ARHGAP24: variants seen among roughly 807,000 people sequenced by gnomAD.
ARHGAP24 encodes Rho GTPase activating protein 24.
Under a neutral mutation model 76.4 loss-of-function variants are expected in ARHGAP24, and 50 were observed. The observed-to-expected ratio is 0.65, with a 90% CI of 0.52 to 0.83. ARHGAP24 has a LOEUF of 0.83. Among genes scored for constraint, ARHGAP24 ranks in the 40% least tolerant of loss-of-function variants. The pLI is 0.00. For missense variants in ARHGAP24, 930 were observed against 914.2 expected (o/e 1.02, Z -0.22); for synonymous variants, 345 against 323.3 (o/e 1.07, Z -0.72).
chr4:85,815,738 C>G (rs1216414023), intron 3 of ARHGAP24, among the ~76,000 whole-genome samples: 2 of 152,236 alleles, frequency 1.3e-5, no homozygotes, highest in Non-Finnish European at 2.9e-5. Flanking sequence ...TACCCAGTTC[C>G]AAAGTCGCTT....
At chr4:85,871,396 ACC>A (rs1285996575) in intron 3 of ARHGAP24, among the ~76,000 whole-genome samples, 5 of 152,108 alleles carry the variant, frequency 3.3e-5, no homozygotes, top group African/African-American at 9.7e-5. Flanking sequence ...TGCCCAATAC[ACC>A]TTCTTTTCTA....
intron 2 of ARHGAP24, among the ~76,000 whole-genome samples, chr4:85,661,442 A>T (rs980412905): frequency 5.9e-5 from 9 of 152,148 alleles, no homozygotes; most frequent in Non-Finnish European, 2.9e-5. Context: ...TTGTTATTCT[A>T]GGCTTGCAAA....
chr4:86,000,876 A>G lies in ARHGAP24; in HGVS notation c.*154A>G. 1 of 1,116,414 alleles carries G rather than the reference A, an allele frequency of 9.0e-7. No individual in the cohort carries two copies. Among genetic ancestry groups the G allele is most frequent in the Non-Finnish European group, 1.3e-6 (1 of 779,724 alleles). 69.2% of individuals were successfully genotyped at this position (1,116,414 alleles called of 1,614,324 possible). A position where few individuals can be genotyped will look rare whatever the true frequency, so the allele number is the denominator to read the frequency against. On this transcript the variant is annotated 3_prime_UTR_variant, in exon 10 of 10. Transcript: ENST00000395184. ...ACAGACATTAAACATCCATATCTGCAATGTGTACCAAAGTTATATCATGCC... is the reference window on the plus strand; with the variant it reads ...ACAGACATTAAACATCCATATCTGCGATGTGTACCAAAGTTATATCATGCC...
intron 1 of ARHGAP24, among the ~76,000 whole-genome samples, chr4:85,551,815 G>A (rs752622749): frequency 1.6e-5 from 2 of 128,654 alleles, no homozygotes; most frequent in Non-Finnish European, 3.3e-5. Context: ...TGTGCACAGA[G>A]TTTTGTATAG....
intron 9 of ARHGAP24, among the ~76,000 whole-genome samples, chr4:85,997,165 TTC>T (rs1411758178): frequency 6.6e-6 from 1 of 152,148 alleles, no homozygotes; most frequent in Non-Finnish European, 1.5e-5. Context: ...AAGTTAACTG[TTC>T]TGGCTAAATT....
intron 6 of ARHGAP24, among the ~76,000 whole-genome samples, chr4:85,974,514 T>G (rs183836550): frequency 3.9e-5 from 6 of 152,312 alleles, no homozygotes; most frequent in Admixed American, 3.3e-4. Context: ...AGTAGATGTA[T>G]TTGTCTATGT....
At chr4:85,661,721 T>G (rs931603801) in intron 2 of ARHGAP24, among the ~76,000 whole-genome samples, 35 of 149,242 alleles carry the variant, frequency 2.3e-4, no homozygotes, top group African/African-American at 7.9e-4. Flanking sequence ...CCTGTGTCCA[T>G]GTGTTCTCAT....
At chr4:85,664,499 T>C (rs1310698527) in intron 2 of ARHGAP24, among the ~76,000 whole-genome samples, 2 of 150,816 alleles carry the variant, frequency 1.3e-5, no homozygotes, top group African/African-American at 5.0e-5. Context: ...GGTTTTTTTG[T>C]GTCTCTATTT....
chr4:85,989,737 A>C (rs1212590484), intron 8 of ARHGAP24, among the ~76,000 whole-genome samples: 1 of 151,766 alleles, frequency 6.6e-6, no homozygotes, highest in Non-Finnish European at 1.5e-5. Context: ...AAAATCAATC[A>C]ATGTAATTCA....
chr4:85,862,848 T>C (rs1731978936), intron 3 of ARHGAP24, among the ~76,000 whole-genome samples: 1 of 152,140 alleles, frequency 6.6e-6, no homozygotes, highest in Non-Finnish European at 1.5e-5. Context: ...CCAAATATAT[T>C]TCACATCTTC....
intron 3 of ARHGAP24, among the ~76,000 whole-genome samples, chr4:85,898,302 G>T (rs1410991112): frequency 6.6e-6 from 1 of 152,034 alleles, no homozygotes; most frequent in East Asian, 1.9e-4. Context: ...AGGAGTTTCA[G>T]CGACTTCCCT....
chr4:85,997,578 T>TA (rs1740754043), intron 9 of ARHGAP24, among the ~76,000 whole-genome samples: 1 of 152,190 alleles, frequency 6.6e-6, no homozygotes, highest in Non-Finnish European at 1.5e-5. Flanking sequence ...GTCAGTGAGA[T>TA]ATATGGTTTT....
intron 3 of ARHGAP24, among the ~76,000 whole-genome samples, chr4:85,848,352 G>T (rs1417611606): frequency 6.6e-6 from 1 of 152,112 alleles, no homozygotes; most frequent in African/African-American, 2.4e-5. Context: ...CCCCATGACA[G>T]GCCCTGGTGT....
chr4:85,971,998 T>C (rs779137099), intron 5 of ARHGAP24, 38 bp from the exon 6 acceptor site: 1 of 1,613,790 alleles, frequency 6.2e-7, no homozygotes, highest in South Asian at 1.1e-5. Flanking sequence ...GGTATGAAGT[T>C]TACTCCAAAG....
intron 1 of ARHGAP24, among the ~76,000 whole-genome samples, chr4:85,495,412 G>A (rs1183626124): frequency 9.4e-5 from 13 of 137,844 alleles, no homozygotes; most frequent in South Asian, 5.2e-4. Context: ...GTGTAGTGGC[G>A]CGATCTCGGC....
At chr4:85,853,177 C>G (rs1056326738) in intron 3 of ARHGAP24, among the ~76,000 whole-genome samples, 2 of 152,198 alleles carry the variant, frequency 1.3e-5, no homozygotes, top group Admixed American at 1.3e-4. Flanking sequence ...TAAGCCTCAG[C>G]AATGGTGGAC....
At chr4:85,499,389 C>G (rs958949801) in intron 1 of ARHGAP24, among the ~76,000 whole-genome samples, 1 of 152,186 alleles carries the variant, frequency 6.6e-6, no homozygotes, top group Non-Finnish European at 1.5e-5. Context: ...ATAGCATATA[C>G]TATCACTAGC....
At chr4:85,646,341 GC>G (rs371087436) in intron 2 of ARHGAP24, among the ~76,000 whole-genome samples, 282 of 151,898 alleles carry the variant, frequency 1.9e-3, no homozygotes, top group African/African-American at 6.7e-3. Flanking sequence ...GGAATTACAG[GC>G]TTTTAGACTA....
intron 2 of ARHGAP24, among the ~76,000 whole-genome samples, chr4:85,643,253 T>G (rs1721596801): frequency 4.4e-5 from 3 of 68,560 alleles, no homozygotes; most frequent in Admixed American, 2.0e-4. Context: ...TTTTTTTTTT[T>G]TTTTTTTTTT....
Sources: allele counts gnomAD v4.1 joint callset (sites outside exome capture counted in the v4.1 genomes callset), GRCh38; gene constraint gnomAD v4.1.1; transcripts MANE v1.5; gene names NCBI Gene and HGNC (gene_info 2026-07-23, HGNC 2026-07-21).